DOCK8: variants seen among roughly 807,000 people sequenced by gnomAD.
DOCK8 encodes dedicator of cytokinesis 8.
A neutral mutation model predicts 245.6 loss-of-function variants in DOCK8; 141 were observed. The observed-to-expected ratio is 0.57, with a 90% CI of 0.50 to 0.66. The LOEUF (loss-of-function observed/expected upper bound fraction) is 0.66, where lower values mean the gene tolerates loss of function less well. Among genes scored for constraint, DOCK8 ranks in the 30% least tolerant of loss-of-function variants. The pLI is 0.00. For synonymous variants in DOCK8, 1,168 were observed against 970.2 expected, an observed-to-expected ratio of 1.20 and a Z score of -3.79; for missense variants, 2,965 against 2,603.4, an observed-to-expected ratio of 1.14 and a Z score of -3.02.
At chr9:380,017 A>G in intron 21 of DOCK8, 82 bp downstream of exon 21, 1 of 1,485,088 alleles carries the variant, frequency 6.7e-7, no homozygotes, top group South Asian at 1.2e-5. Flanking sequence ...AAAATAAAAC[A>G]TCCTATGCTG....
At chr9:359,657 C>G (rs955351891) in intron 14 of DOCK8, among the ~76,000 whole-genome samples, 8 of 152,152 alleles carry the variant, frequency 5.3e-5, no homozygotes, top group African/African-American at 1.9e-4. Context: ...GAAGTTCACT[C>G]TGATGGGATC....
intron 28 of DOCK8, among the ~76,000 whole-genome samples, chr9:409,691 C>T (rs1172574163): frequency 6.6e-6 from 1 of 152,026 alleles, no homozygotes; most frequent in Non-Finnish European, 1.5e-5. Flanking sequence ...ATTAACTCGT[C>T]ATTTACATTA....
In DOCK8 at chr9:363,023, A is replaced by T. The variant is rs138905176; in HGVS notation, c.1680-4995A>T. ...TTAACCCCCAGAGCTGCTCAATTAC[A>T]GCAGTTTAAAAATAAGTTGAGGATT... On this transcript the variant is annotated intron_variant, in intron 14 of 47. Coordinates refer to ENST00000432829, the MANE Select transcript of DOCK8 (RefSeq NM_203447.4). Among the ~76,000 whole-genome samples the T allele has an allele frequency of 1.9e-4, 29 of 152,350 alleles. 1 individual carries two copies. Among genetic ancestry groups the T allele is most frequent in the African/African-American group, 7.0e-4 (29 of 41,586 alleles).
intron 43 of DOCK8, 56 bp from the exon 44 acceptor site, chr9:446,314 G>C (rs2057257413): frequency 6.8e-7 from 1 of 1,467,834 alleles, no homozygotes; most frequent in African/African-American, 1.4e-5. Flanking sequence ...CATTGCGTCA[G>C]GGATGGCCGT....
chr9:213,956 G>A (rs2046670637), upstream of DOCK8: 3 of 152,776 alleles, frequency 2.0e-5, no homozygotes, highest in African/African-American at 7.2e-5. Context: ...TCGATCTCCT[G>A]ACCTCGTGAT....
At chr9:319,357 C>T (rs1271268456) in intron 7 of DOCK8, among the ~76,000 whole-genome samples, 5 of 152,122 alleles carry the variant, frequency 3.3e-5, no homozygotes, top group African/African-American at 1.2e-4. Flanking sequence ...GTGATGTCCC[C>T]GCAACTGCCA....
intron 29 of DOCK8, among the ~76,000 whole-genome samples, chr9:416,454 T>C (rs1363569991): frequency 1.3e-5 from 2 of 152,236 alleles, no homozygotes; most frequent in Non-Finnish European, 2.9e-5. Flanking sequence ...GAATCAGAAC[T>C]TTTCAACATT....
rs540909 is a variant in DOCK8, at chr9:273,160, T to C, written c.156+1431T>C. On this transcript the variant is annotated intron_variant, in intron 2 of 47. Coordinates refer to ENST00000432829, the MANE Select transcript of DOCK8 (RefSeq NM_203447.4). Reference sequence around the variant, plus strand: ...GAAGGATAATTTGTGTGTTGCGTCATTAATGAAATAGTAGTACGAAAAACC... The same window carrying C: ...GAAGGATAATTTGTGTGTTGCGTCACTAATGAAATAGTAGTACGAAAAACC... 0.75 allele frequency: 731,719 copies of C among 976,892 alleles called. 275,090 individuals are homozygous for C. The highest frequency in any genetic ancestry group is 0.82 in the East Asian group (7,184 of 8,774). The allele number at this position is 976,892 out of a possible 1,614,324, so 60.5% of individuals were successfully genotyped here. A position where few individuals can be genotyped will look rare whatever the true frequency, so the allele number is the denominator to read the frequency against.
chr9:294,381 C>G (rs1179191434), intron 4 of DOCK8, among the ~76,000 whole-genome samples: 2 of 152,204 alleles, frequency 1.3e-5, no homozygotes, highest in African/African-American at 4.8e-5. Context: ...TGTTTCATTC[C>G]ATTACCAACT....
chr9:316,933 T>A, intron 6 of DOCK8, 110 bp from the exon 7 acceptor site: 1 of 871,220 alleles, frequency 1.1e-6, no homozygotes, highest in Non-Finnish European at 1.9e-6. Context: ...AAAAAGCAAA[T>A]CTAAGTTAAC....
chr9:349,120 G>A (rs2052037982), intron 14 of DOCK8, among the ~76,000 whole-genome samples: 1 of 152,200 alleles, frequency 6.6e-6, no homozygotes, highest in African/African-American at 2.4e-5. Flanking sequence ...AAACTGAGTG[G>A]GAGGTGCAGG....
intron 2 of DOCK8, chr9:277,009 A>G (rs921682399): frequency 9.1e-6 from 3 of 330,776 alleles, no homozygotes; most frequent in African/African-American, 2.2e-5. Flanking sequence ...GAGTTTCTCC[A>G]TGTTGTCCAG....
intron 6 of DOCK8, 33 bp from the exon 7 acceptor site, chr9:317,010 C>A: frequency 6.5e-7 from 1 of 1,545,718 alleles, no homozygotes; most frequent in African/African-American, 1.4e-5. Flanking sequence ...ACAGAATTCA[C>A]TAATGATTTC....
intron 1 of DOCK8, among the ~76,000 whole-genome samples, chr9:232,106 G>C (rs576921883): frequency 6.6e-6 from 1 of 152,070 alleles, no homozygotes; most frequent in African/African-American, 2.4e-5. Flanking sequence ...TTAGCATGAA[G>C]CGTTGTTGGA....
chr9:428,565 C>G (rs1165616614), intron 35 of DOCK8, 69 bp downstream of exon 35: 11 of 1,585,270 alleles, frequency 6.9e-6, no homozygotes, highest in South Asian at 4.5e-5. Flanking sequence ...TCATACTTCT[C>G]TCTTCAGGTG....
At chr9:254,032 C>G (rs1444142690) in intron 1 of DOCK8, among the ~76,000 whole-genome samples, 1 of 152,152 alleles carries the variant, frequency 6.6e-6, no homozygotes, top group Non-Finnish European at 1.5e-5. Flanking sequence ...AAAAGTAAAG[C>G]ATTTTTAGGA....
At chr9:343,633 C>T (rs2051720401) in intron 14 of DOCK8, among the ~76,000 whole-genome samples, 1 of 152,204 alleles carries the variant, frequency 6.6e-6, no homozygotes, top group African/African-American at 2.4e-5. Context: ...TCTTCATTTT[C>T]AATCCTCATT....
intron 20 of DOCK8, among the ~76,000 whole-genome samples, chr9:378,177 T>G (rs532460015): frequency 6.6e-6 from 1 of 152,216 alleles, no homozygotes; most frequent in East Asian, 1.9e-4. Context: ...TTGCAGTGGT[T>G]GTGGGGAGGG....
chr9:417,646 A>G (rs1399533808), intron 29 of DOCK8, among the ~76,000 whole-genome samples: 1 of 152,234 alleles, frequency 6.6e-6, no homozygotes, highest in East Asian at 1.9e-4. Context: ...TTCATTTTAA[A>G]CATTTGAAAT....
Sources: gnomAD v4.1 joint callset for allele counts (sites outside exome capture counted in the v4.1 genomes callset) on GRCh38, gnomAD v4.1.1 for gene constraint, MANE v1.5 for transcripts, NCBI Gene and HGNC (gene_info 2026-07-23, HGNC 2026-07-21) for gene names.